SNTG1: variants seen among roughly 807,000 people sequenced by gnomAD.
The protein encoded by SNTG1 is syntrophin gamma 1.
In SNTG1, 39 loss-of-function variants were observed where a neutral mutation model predicts 74.7. The ratio of observed to expected loss-of-function variants is 0.52; its 90% CI spans 0.40 to 0.68. SNTG1 has a LOEUF of 0.68. Ranked by LOEUF, SNTG1 falls within the 30% of genes least tolerant of loss-of-function variation. SNTG1 has a pLI of 0.00. For missense variants in SNTG1, 685 were observed against 609.5 expected (o/e 1.12, Z -1.30); for synonymous variants, 254 against 217.1 (o/e 1.17, Z -1.49).
chr8:50,454,241 A>T (rs796796810), intron 8 of SNTG1, among the ~76,000 whole-genome samples: 3 of 152,310 alleles, frequency 2.0e-5, no homozygotes, highest in African/African-American at 7.2e-5. Flanking sequence ...TCATGCCTGT[A>T]ATCCCAGCAC....
chr8:50,351,816 G>A (rs892987027), intron 2 of SNTG1, among the ~76,000 whole-genome samples: 5 of 152,134 alleles, frequency 3.3e-5, no homozygotes, highest in African/African-American at 9.7e-5. Context: ...TTAAAAAGTT[G>A]TGGCTAAAGT....
intron 4 of SNTG1, among the ~76,000 whole-genome samples, chr8:50,424,550 T>G (rs2093137949): frequency 6.6e-6 from 1 of 152,120 alleles, no homozygotes; most frequent in Non-Finnish European, 1.5e-5. Flanking sequence ...CATAGAAATA[T>G]GATACAAGTT....
chr8:50,611,063 G>T (rs1374015900), intron 13 of SNTG1, among the ~76,000 whole-genome samples: 1 of 152,078 alleles, frequency 6.6e-6, no homozygotes, highest in Non-Finnish European at 1.5e-5. Context: ...AAACTAAAAA[G>T]ATTATATATA....
intron 2 of SNTG1, among the ~76,000 whole-genome samples, chr8:50,231,334 A>C (rs561032587): frequency 3.1e-4 from 47 of 151,492 alleles, no homozygotes; most frequent in Non-Finnish European, 5.6e-4. Flanking sequence ...GGTTCCTCAA[A>C]AAACTAAAAA....
chr8:50,585,404 A>G (rs2094641627), intron 12 of SNTG1, among the ~76,000 whole-genome samples: 1 of 152,202 alleles, frequency 6.6e-6, no homozygotes, highest in Admixed American at 6.5e-5. Context: ...GATCTCTAAA[A>G]GCCTTCAAGT....
intron 1 of SNTG1, among the ~76,000 whole-genome samples, chr8:50,052,763 A>C (rs1252519131): frequency 6.6e-6 from 1 of 152,274 alleles, no homozygotes; most frequent in East Asian, 1.9e-4. Flanking sequence ...AATTAAAGAG[A>C]TATTTCTCCA....
chr8:50,020,373 AGGCT>A (rs1816711924), intron 1 of SNTG1, among the ~76,000 whole-genome samples: 1 of 152,154 alleles, frequency 6.6e-6, no homozygotes, highest in South Asian at 2.1e-4. Flanking sequence ...CACAGCTGCC[AGGCT>A]GCTATTCATC....
chr8:50,618,770 C>A (rs1467618791), intron 13 of SNTG1, among the ~76,000 whole-genome samples: 1 of 147,932 alleles, frequency 6.8e-6, no homozygotes, highest in Non-Finnish European at 1.5e-5. Context: ...TACAGACCAC[C>A]CTCAATTCTC....
chr8:50,041,137 C>G (rs1442699187), intron 1 of SNTG1, among the ~76,000 whole-genome samples: 1 of 152,128 alleles, frequency 6.6e-6, no homozygotes, highest in Non-Finnish European at 1.5e-5. Context: ...CTCAGATGAT[C>G]CATCTGCCTC....
At chr8:50,268,918 T>C (rs75577264) in intron 2 of SNTG1, among the ~76,000 whole-genome samples, 1 of 152,056 alleles carries the variant, frequency 6.6e-6, no homozygotes, top group African/African-American at 2.4e-5. Context: ...CTCGGCCTCC[T>C]AAAGTGCTGA....
At chr8:50,702,105 G>C (rs2095428241) in intron 15 of SNTG1, among the ~76,000 whole-genome samples, 1 of 151,934 alleles carries the variant, frequency 6.6e-6, no homozygotes, top group Non-Finnish European at 1.5e-5. Context: ...GCCCACCTCG[G>C]CCTCCCAAAT....
intron 12 of SNTG1, among the ~76,000 whole-genome samples, chr8:50,581,928 A>G (rs1052936966): frequency 6.6e-6 from 1 of 152,178 alleles, no homozygotes. Context: ...AAGCCATGCA[A>G]AGGATAAGAT....
chr8:49,968,116 T>A (rs911584557), intron 1 of SNTG1, among the ~76,000 whole-genome samples: 2 of 152,172 alleles, frequency 1.3e-5, no homozygotes, highest in Non-Finnish European at 2.9e-5. Flanking sequence ...CTTTTCACCA[T>A]ATGTCAATAT....
intron 8 of SNTG1, among the ~76,000 whole-genome samples, chr8:50,485,355 C>A (rs1750097557): frequency 6.6e-6 from 1 of 151,962 alleles, no homozygotes; most frequent in African/African-American, 2.4e-5. Context: ...AGATTTGGGC[C>A]AGGGTTTTTT....
rs545598953 is a variant in SNTG1, at chr8:50,688,877, T to G, written c.1039-15723T>G. On this transcript the variant is annotated intron_variant, in intron 15 of 18. Transcript: ENST00000642720. Reference sequence around the variant, plus strand: ...TGGCCATTTTCACGATATTGATTCTTCCTACCCATGAGCATGGAATGTTCT... The same window carrying G: ...TGGCCATTTTCACGATATTGATTCTGCCTACCCATGAGCATGGAATGTTCT... Among the ~76,000 whole-genome samples the G allele has an allele frequency of 1.7e-3, 266 of 152,160 alleles. 1 individual carries two copies. In the Middle Eastern group the frequency reaches 0.027, roughly 16 times the overall value.
At chr8:50,225,470 C>A (rs1391051103) in intron 2 of SNTG1, among the ~76,000 whole-genome samples, 4 of 152,152 alleles carry the variant, frequency 2.6e-5, no homozygotes, top group Non-Finnish European at 4.4e-5. Context: ...ACCCCACCAC[C>A]TTGAGTTGTC....
intron 12 of SNTG1, among the ~76,000 whole-genome samples, chr8:50,575,136 T>C (rs572850907): frequency 6.6e-6 from 1 of 152,312 alleles, no homozygotes; most frequent in Non-Finnish European, 1.5e-5. Flanking sequence ...GTCTGTTCAG[T>C]CCTACAGCTA....
intron 13 of SNTG1, among the ~76,000 whole-genome samples, chr8:50,656,604 T>A (rs2095183118): frequency 6.6e-6 from 1 of 152,164 alleles, no homozygotes; most frequent in African/African-American, 2.4e-5. Flanking sequence ...TAAATAAGTA[T>A]TTTTTTCTGT....
chr8:50,688,329 C>A (rs559567823), intron 15 of SNTG1, among the ~76,000 whole-genome samples: 2 of 152,102 alleles, frequency 1.3e-5, no homozygotes, highest in African/African-American at 4.8e-5. Context: ...GAAGTCCTCG[C>A]CCATGCCTAT....
Sources: allele counts gnomAD v4.1 joint callset (sites outside exome capture counted in the v4.1 genomes callset), GRCh38; gene constraint gnomAD v4.1.1; transcripts MANE v1.5; gene names NCBI Gene and HGNC (gene_info 2026-07-23, HGNC 2026-07-21).